Variants in PPP1R37 observed in about 807,000 individuals in gnomAD.
The protein encoded by PPP1R37 is protein phosphatase 1 regulatory subunit 37, also known as leucine rich repeat containing 68.
In PPP1R37, 21 loss-of-function variants were observed where a neutral mutation model predicts 61.0. The ratio of observed to expected loss-of-function variants is 0.34; its 90% confidence interval spans 0.24 to 0.50. The LOEUF is 0.50. Among genes scored for constraint, PPP1R37 ranks in the 20% least tolerant of loss-of-function variants. PPP1R37 has a pLI of 0.98. For synonymous variants in PPP1R37, 443 were observed against 433.5 expected, an observed-to-expected ratio of 1.02 and a Z score of -0.27; for missense variants, 910 against 952.7, an observed-to-expected ratio of 0.96 and a Z score of 0.59.
At chr19:45,097,092 G>T (rs938596687) in intron 1 of PPP1R37, among the ~76,000 whole-genome samples, 3 of 152,008 alleles carry the variant, frequency 2.0e-5, no homozygotes, top group Admixed American at 6.6e-5. Flanking sequence ...GGGTGAAGAG[G>T]AATCGTGGTA....
Position 45,145,010 on chromosome 19 carries a change from C to A in PPP1R37, c.1129+15C>A. 6.5e-7 allele frequency: 1 copy of A among 1,530,666 alleles called. No homozygotes were observed. Among genetic ancestry groups the A allele is most frequent in the East Asian group, 2.5e-5 (1 of 40,526 alleles). 94.8% of individuals were successfully genotyped at this position (1,530,666 alleles called of 1,614,324 possible). Reference sequence around the variant, plus strand: ...CACGTGCGAGGGTAGGGTACGGGGCCGGGCCAGGGTGCGGGCTGGTGGGCT... The same window carrying A: ...CACGTGCGAGGGTAGGGTACGGGGCAGGGCCAGGGTGCGGGCTGGTGGGCT... On this transcript the variant is annotated intron_variant, in intron 9 of 12. Transcript: ENST00000221462.
chr19:45,093,580 G>C (rs369899804), intron 1 of PPP1R37, 53 bp downstream of exon 1: 135 of 1,447,664 alleles, frequency 9.3e-5, no homozygotes, highest in South Asian at 9.3e-4. Flanking sequence ...CGGGAGTCGG[G>C]AGGGATCGGT....
At chr19:45,122,874 C>T (rs936263201) in intron 1 of PPP1R37, among the ~76,000 whole-genome samples, 1 of 152,154 alleles carries the variant, frequency 6.6e-6, no homozygotes, top group Non-Finnish European at 1.5e-5. Context: ...TAAGCAGGAC[C>T]TTGACCCCTC....
chr19:45,104,762 C>T lies in PPP1R37; in HGVS notation c.202+11235C>T, dbSNP rs1052278077. 3.9e-5 allele frequency among the ~76,000 whole-genome samples: 6 copies of T among 152,144 alleles called. 1 individual carries two copies. The highest frequency in any genetic ancestry group is 2.0e-4 in the Admixed American group (3 of 15,272). ...ATAACCTGGCTCTTGCCACCATCGC[C>T]GGCCACGACCGAGATCACCTTGCCA... On this transcript the variant is annotated intron_variant, in intron 1 of 12. Coordinates refer to ENST00000221462, the MANE Select transcript of PPP1R37 (RefSeq NM_019121.2).
intron 1 of PPP1R37, among the ~76,000 whole-genome samples, chr19:45,109,478 T>C (rs369212876): frequency 3.5e-4 from 54 of 152,166 alleles, no homozygotes; most frequent in African/African-American, 1.3e-3. Context: ...TTACAGAGGG[T>C]CCACTGTAAC....
At chr19:45,110,273 A>G (rs1968184493) in intron 1 of PPP1R37, among the ~76,000 whole-genome samples, 1 of 151,694 alleles carries the variant, frequency 6.6e-6, no homozygotes, top group Non-Finnish European at 1.5e-5. Context: ...GTACCACTAC[A>G]CCTGGCTAAT....
chr19:45,146,560 T>C lies in PPP1R37; in HGVS notation c.*9-11T>C. The C allele has an allele frequency of 9.7e-7, 1 of 1,028,918 alleles. No homozygotes were observed. The allele number at this position is 1,028,918 out of a possible 1,614,324, so 63.7% of individuals were successfully genotyped here. On this transcript the variant is annotated splice_polypyrimidine_tract_variant and intron_variant, in intron 12 of 12. Coordinates refer to ENST00000221462, the MANE Select transcript of PPP1R37 (RefSeq NM_019121.2). The stretch of plus-strand genomic sequence containing the variant: ...CTCTGACAGTCTCTCCCCCAATCTC[T>C]CCTCCCCAAGTTCCCTTTTTCCGGT...
rs1433906139 is a variant in PPP1R37, at chr19:45,093,437, C to G, written c.112C>G (p.Arg38Gly). The change falls in exon 1 of 13, where the codon CGC becomes GGC. Residue 38 changes from arginine (R) to glycine (G), a missense_variant. Arg to Gly is a moderately radical substitution (Grantham distance 125). Around this residue, in one of 3 missense-constraint regions of PPP1R37, gnomAD observed 81 missense variants for 65.4 expected, o/e 1.24. Coordinates refer to ENST00000221462, the MANE Select transcript of PPP1R37 (RefSeq NM_019121.2). ...PSPASPPADG[R>G]LKAAAKRVTF... ...CCCCGCGTCGCCCCCCGCCGATGGG[C>G]GCCTCAAGGCTGCAGCCAAGCGCGT... The G allele has an allele frequency of 5.2e-6, 8 of 1,534,854 alleles. No individual in the cohort carries two copies. The highest frequency in any genetic ancestry group is 6.1e-6 in the Non-Finnish European group (7 of 1,146,450).
intron 7 of PPP1R37, 157 bp from the exon 8 acceptor site, chr19:45,143,364 C>A: frequency 1.8e-6 from 1 of 569,332 alleles, no homozygotes; most frequent in Non-Finnish European, 3.1e-6. Flanking sequence ...AGATGTGTGC[C>A]CAGGGGTGCC....
chr19:45,121,601 T>G lies in PPP1R37; in HGVS notation c.203-16913T>G. Among the ~76,000 whole-genome samples the G allele has an allele frequency of 6.6e-6, 1 of 152,236 alleles. No homozygotes were observed. Among genetic ancestry groups the G allele is most frequent in the East Asian group, 1.9e-4 (1 of 5,196 alleles). ...GCCACGCAGTGAATATACAGGGTCCTCACGCAAGGACCTGAGAGATGTGTG... is the reference window on the plus strand; with the variant it reads ...GCCACGCAGTGAATATACAGGGTCCGCACGCAAGGACCTGAGAGATGTGTG... On this transcript the variant is annotated intron_variant, in intron 1 of 12. Transcript: ENST00000221462. This position sits in a 1 kb window ranked among gnomAD's most constrained non-coding sequence, Gnocchi z 4.2.
intron 1 of PPP1R37, among the ~76,000 whole-genome samples, chr19:45,094,417 G>A (rs1242443538): frequency 6.6e-6 from 1 of 152,202 alleles, no homozygotes; most frequent in Non-Finnish European, 1.5e-5. Flanking sequence ...GGGTCCTCTT[G>A]TTCCTTCCTG....
chr19:45,141,967 CCTGGGGCCAGGGAGTG>C, intron 5 of PPP1R37, 78 bp from the exon 6 acceptor site: 1 of 1,017,988 alleles, frequency 9.8e-7, no homozygotes, highest in Non-Finnish European at 1.3e-6. Context: ...GGGCACAGGT[CCTGGGGCCAGGGAGTG>C]CTGGGGCGGT....
chr19:45,119,294 A>G (rs1014614730), intron 1 of PPP1R37, among the ~76,000 whole-genome samples: 1 of 151,992 alleles, frequency 6.6e-6, no homozygotes, highest in Non-Finnish European at 1.5e-5. Context: ...AGCTGGGATT[A>G]CAGGCATGTG....
rs562584544 is a variant in PPP1R37, at chr19:45,123,617, G to A, written c.203-14897G>A. On this transcript the variant is annotated intron_variant, in intron 1 of 12. Coordinates refer to ENST00000221462, the MANE Select transcript of PPP1R37 (RefSeq NM_019121.2). The stretch of plus-strand genomic sequence containing the variant: ...CAGAAGACCATTCCCTCTGTAGCGT[G>A]GTAGAGGCTGGAAATTCTACTCTGC... Among the ~76,000 whole-genome samples, 13 of 152,230 alleles carry A rather than the reference G, an allele frequency of 8.5e-5. No homozygotes were observed. The East Asian group carries it at 2.1e-3, about 25-fold the overall frequency.
chr19:45,134,124 C>G (rs951992498), intron 1 of PPP1R37, among the ~76,000 whole-genome samples: 6 of 152,214 alleles, frequency 3.9e-5, no homozygotes, highest in African/African-American at 1.4e-4. Context: ...CAACTTTGGA[C>G]AAGTTATCGC....
intron 1 of PPP1R37, among the ~76,000 whole-genome samples, chr19:45,119,679 C>T (rs1448285106): frequency 3.3e-5 from 5 of 152,212 alleles, no homozygotes; most frequent in African/African-American, 7.2e-5. Context: ...AGCCCCAAGC[C>T]GGCACCCTCT....
intron 1 of PPP1R37, among the ~76,000 whole-genome samples, chr19:45,133,785 C>T (rs939773257): frequency 5.9e-5 from 9 of 152,216 alleles, no homozygotes; most frequent in African/African-American, 2.2e-4. Flanking sequence ...CATCACATGA[C>T]CTTTTCCATG....
Position 45,141,312 on chromosome 19 carries a change from C to G in PPP1R37, c.448-10C>G. ...GAGCTGAGGCTGAGCCCCCGAATCT[C>G]TATGCGCAGGGTGCCTCGGCCCTCT... On this transcript the variant is annotated splice_polypyrimidine_tract_variant and intron_variant, in intron 4 of 12. Transcript: ENST00000221462. The G allele has an allele frequency of 6.5e-7, 1 of 1,533,698 alleles. No homozygotes were observed. The highest frequency in any genetic ancestry group is 8.7e-7 in the Non-Finnish European group (1 of 1,145,676).
At chr19:45,093,869 G>A (rs1000763216) in intron 1 of PPP1R37, among the ~76,000 whole-genome samples, 1 of 152,242 alleles carries the variant, frequency 6.6e-6, no homozygotes, top group Non-Finnish European at 1.5e-5. Flanking sequence ...GAGAGAAGGA[G>A]CAGTTGAGAG....
Sources: allele counts gnomAD v4.1 joint callset (sites outside exome capture counted in the v4.1 genomes callset), GRCh38; gene constraint gnomAD v4.1.1; regional missense constraint gnomAD v4.1.1; non-coding constraint Gnocchi (gnomAD v3.1); transcripts MANE v1.5; gene names NCBI Gene and HGNC (gene_info 2026-07-23, HGNC 2026-07-21).